The following YAE1 variants were observed in gnomAD, a reference collection of about 807,000 sequenced individuals.
YAE1 encodes YAE1 maturation factor of ABCE1.
YAE1 carries 22 observed loss-of-function variants against 23.0 expected under a neutral mutation model. That is an observed-to-expected ratio of 0.96 (90% confidence interval 0.68 to 1.37). The LOEUF is 1.37. Among genes scored for constraint, YAE1 ranks in the 40% most tolerant of loss-of-function variants. The pLI is 0.00. For synonymous variants in YAE1, 101 were observed against 97.0 expected, an observed-to-expected ratio of 1.04 and a Z score of -0.24; for missense variants, 260 against 262.1, an observed-to-expected ratio of 0.99 and a Z score of 0.06.
chr7:39,587,565 T>C (rs947745744), intron 2 of YAE1, among the ~76,000 whole-genome samples: 1 of 152,182 alleles, frequency 6.6e-6, no homozygotes, highest in Non-Finnish European at 1.5e-5. Flanking sequence ...CATGTTGTAT[T>C]TGGAATTTAC....
chr7:39,605,253 G>A (rs764544529), intron 2 of YAE1, among the ~76,000 whole-genome samples: 2 of 152,150 alleles, frequency 1.3e-5, no homozygotes, highest in Non-Finnish European at 2.9e-5. Flanking sequence ...GTTAACCTAT[G>A]AGCTGTGATG....
chr7:39,584,391 T>G (rs1790783863), intron 2 of YAE1, among the ~76,000 whole-genome samples: 1 of 152,110 alleles, frequency 6.6e-6, no homozygotes, highest in Non-Finnish European at 1.5e-5. Context: ...CAAAAAAGAA[T>G]TGCCCTGCAT....
chr7:39,577,483 G>A (rs1790672791), downstream of YAE1, among the ~76,000 whole-genome samples: 1 of 152,200 alleles, frequency 6.6e-6, no homozygotes, highest in South Asian at 2.1e-4. Flanking sequence ...GTGGGAGGTG[G>A]GCTTGGCAGG....
At chr7:39,580,557 CTT>C (rs376421662) in intron 2 of YAE1, among the ~76,000 whole-genome samples, 267 of 152,312 alleles carry the variant, frequency 1.8e-3, no homozygotes, top group Middle Eastern at 0.01. Flanking sequence ...TTTGGATCCT[CTT>C]TCTTTCGAAG....
chr7:39,609,929 C>T, exon 3 of YAE1: 1 of 1,526,404 alleles, frequency 6.6e-7, no homozygotes, highest in Non-Finnish European at 8.8e-7. Context: ...CACCTTCCAA[C>T]TCCGAAACAC....
In YAE1 at chr7:39,584,530, G is replaced by T. The variant is rs970846947; in HGVS notation, c.251+13903G>T. Among the ~76,000 whole-genome samples the T allele has an allele frequency of 1.7e-4, 26 of 151,854 alleles. 1 individual carries two copies. The highest frequency in any genetic ancestry group is 6.0e-4 in the African/African-American group (25 of 41,338). On this transcript the variant is annotated intron_variant, in intron 2 of 2. Coordinates refer to the YAE1 transcript ENST00000432096. ...ATTTTTTCCCTTATCCTAATTTATT[G>T]CCTTTCTATATTATAAAACAATTAG... is the stretch of plus-strand genomic sequence containing the variant.
At chr7:39,611,580 A>C (rs1791218876), downstream of YAE1, among the ~76,000 whole-genome samples, 1 of 152,218 alleles carries the variant, frequency 6.6e-6, no homozygotes, top group Admixed American at 6.5e-5. Context: ...TGAGGTAGCC[A>C]TGTTTAAGTG....
downstream of YAE1, chr7:39,610,388 G>A: frequency 2.2e-6 from 1 of 459,868 alleles, no homozygotes; most frequent in Non-Finnish European, 4.3e-6. Context: ...TGCATCCTGA[G>A]AACATTCCAA....
chr7:39,572,207 T>C, intron 2 of YAE1, 70 bp from the exon 3 acceptor site: 1 of 1,434,150 alleles, frequency 7.0e-7, no homozygotes, highest in Non-Finnish European at 9.3e-7. Context: ...CGTTTAATTG[T>C]TATTGAAAGA....
At chr7:39,579,726 A>G (rs1319588723) in intron 2 of YAE1, among the ~76,000 whole-genome samples, 10 of 151,670 alleles carry the variant, frequency 6.6e-5, no homozygotes, top group Admixed American at 6.6e-4. Flanking sequence ...GTCAGCAAGT[A>G]TTATTTTTAT....
chr7:39,591,388 T>A (rs1272873061), intron 2 of YAE1, among the ~76,000 whole-genome samples: 1 of 152,236 alleles, frequency 6.6e-6, no homozygotes, highest in Non-Finnish European at 1.5e-5. Context: ...TAAATACTTT[T>A]TAAGCATTTT....
rs148011819 is a variant in YAE1 at position 39,572,399 on chromosome 7, C to T, written c.374C>T (p.Thr125Ile). Reference protein sequence around the residue: ...EYVLKHLKSITPPSHVVDLLD... With the variant: ...EYVLKHLKSIIPPSHVVDLLD... ...GTGCTCAAACATCTGAAATCAATCA[C>T]TCCACCGTCCCATGTTGTAGATTTA... The change falls in exon 3 of 3, where the codon ACT becomes ATT. Residue 125 changes from threonine (T) to isoleucine (I), a missense_variant. By Grantham distance (89) the Thr-to-Ile change is moderately conservative. Transcript: ENST00000223273. 1.5e-4 allele frequency: 243 copies of T among 1,614,136 alleles called. 1 individual carries two copies. The highest frequency in any genetic ancestry group is 6.6e-4 in the Middle Eastern group (4 of 6,062).
chr7:39,587,405 C>T (rs1276409656), intron 2 of YAE1, among the ~76,000 whole-genome samples: 1 of 152,022 alleles, frequency 6.6e-6, no homozygotes, highest in African/African-American at 2.4e-5. Context: ...AAAAAGAAAT[C>T]AAGTGTCCTG....
chr7:39,585,262 G>A (rs536761337), intron 2 of YAE1, among the ~76,000 whole-genome samples: 3 of 152,258 alleles, frequency 2.0e-5, no homozygotes, highest in African/African-American at 7.2e-5. Flanking sequence ...GGACTGAATT[G>A]TGTCCTCTCA....
At chr7:39,583,413 A>G (rs1790774073) in intron 2 of YAE1, among the ~76,000 whole-genome samples, 1 of 152,242 alleles carries the variant, frequency 6.6e-6, no homozygotes, top group African/African-American at 2.4e-5. Context: ...ATTTTTCATT[A>G]ACTCCAGGGG....
chr7:39,595,238 C>A (rs1207153424), intron 2 of YAE1, among the ~76,000 whole-genome samples: 1 of 150,902 alleles, frequency 6.6e-6, no homozygotes, highest in Non-Finnish European at 1.5e-5. Context: ...ATTTTTTTTT[C>A]CAAGGTTAAG....
intron 2 of YAE1, among the ~76,000 whole-genome samples, chr7:39,606,734 G>A (rs16880073): frequency 0.041 from 6,169 of 152,182 alleles, 199 homozygotes; most frequent in African/African-American, 0.079. Context: ...ATCCAAGATA[G>A]CATTATGCAG....
At chr7:39,566,817 T>A in intron 1 of YAE1, 1 of 351,724 alleles carries the variant, frequency 2.8e-6, no homozygotes, top group Non-Finnish European at 5.4e-6. Flanking sequence ...CAGTTTGCAG[T>A]TTGTTGAGGA....
chr7:39,573,264 AAAGT>A (rs1466068944), downstream of YAE1, among the ~76,000 whole-genome samples: 2 of 151,720 alleles, frequency 1.3e-5, no homozygotes, highest in Admixed American at 6.6e-5. Flanking sequence ...GTGTTAATTA[AAAGT>A]AAGGACATTC....
Sources: allele counts gnomAD v4.1 joint callset (sites outside exome capture counted in the v4.1 genomes callset), GRCh38; gene constraint gnomAD v4.1.1; transcripts MANE v1.5; gene names NCBI Gene and HGNC (gene_info 2026-07-23, HGNC 2026-07-21).